MYH10: variants seen among roughly 807,000 people sequenced by gnomAD.
The protein encoded by MYH10 is myosin heavy chain 10.
MYH10 carries 55 observed loss-of-function variants against 257.8 expected under a neutral mutation model. The observed-to-expected ratio is 0.21, with a 90% CI of 0.17 to 0.27. The LOEUF (loss-of-function observed/expected upper bound fraction) is 0.27, where lower values mean the gene tolerates loss of function less well. MYH10 is among the 10% of genes least tolerant of loss of function. The probability of loss-of-function intolerance (pLI) is 1.00; values close to 1 mark genes in which losing one functional copy is unlikely to be tolerated. For synonymous variants in MYH10, 854 were observed against 921.7 expected (o/e 0.93, Z 1.33); for missense variants, 1,631 against 2,500.6 (o/e 0.65, Z 7.42).
chr17:8,567,988 T>A (rs1387504373), intron 7 of MYH10, among the ~76,000 whole-genome samples: 1 of 152,206 alleles, frequency 6.6e-6, no homozygotes, highest in Non-Finnish European at 1.5e-5. Context: ...CAGATGTCTG[T>A]GGTCGTCAGT....
intron 2 of MYH10, among the ~76,000 whole-genome samples, chr17:8,615,578 T>A (rs981528382): frequency 2.6e-5 from 4 of 152,176 alleles, no homozygotes; most frequent in African/African-American, 9.6e-5. Context: ...TCTAGGAATC[T>A]CACTCTCTCT....
intron 4 of MYH10, among the ~76,000 whole-genome samples, chr17:8,582,540 A>C (rs2152031910): frequency 6.6e-6 from 1 of 152,332 alleles, no homozygotes; most frequent in East Asian, 1.9e-4. Flanking sequence ...TAGAAGTACA[A>C]AGCTAACAAG....
chr17:8,518,427 C>A (rs2081544024), intron 21 of MYH10, among the ~76,000 whole-genome samples: 1 of 152,136 alleles, frequency 6.6e-6, no homozygotes, highest in Non-Finnish European at 1.5e-5. Flanking sequence ...AGCCACCACG[C>A]CCAGCCTCCT....
Position 8,506,281 on chromosome 17 carries a change from AT to A in MYH10, c.3386+36del, listed in dbSNP as rs752317585. On this transcript the variant is annotated intron_variant, in intron 27 of 42. Coordinates refer to ENST00000360416, the MANE Select transcript of MYH10 (RefSeq NM_001256012.3). This position sits in a 1 kb window ranked among gnomAD's most constrained non-coding sequence, Gnocchi z 5.0. ...ACAAAGTCTGCTGAAACTCAGCCCC[AT>A]GGGCTCCCGTGCAGCGCAGCTGCTG... 187 of 1,535,096 alleles carry A rather than the reference AT, an allele frequency of 1.2e-4. No homozygotes were observed. The highest frequency in any genetic ancestry group is 1.6e-4 in the Non-Finnish European group (180 of 1,150,364).
Position 8,512,441 on chromosome 17 carries a change from T to C in MYH10, c.2952+10A>G. The stretch of plus-strand genomic sequence containing the variant: ...AAAATATGCTTCTAAGTAAAAATTA[T>C]TATACATACCTGAATATGTGCTTGC... On this transcript the variant is annotated intron_variant, in intron 24 of 42. Transcript: ENST00000360416. 5 of 1,593,608 alleles carry C rather than the reference T, an allele frequency of 3.1e-6. No individual in the cohort carries two copies. The South Asian group carries it at 4.6e-5, about 15-fold the overall frequency.
chr17:8,562,836 A>G (rs1430680614), intron 7 of MYH10, among the ~76,000 whole-genome samples: 1 of 152,224 alleles, frequency 6.6e-6, no homozygotes, highest in African/African-American at 2.4e-5. Context: ...GGAAACCCGG[A>G]TATTTGATAT....
intron 17 of MYH10, among the ~76,000 whole-genome samples, chr17:8,523,178 A>G (rs1040185522): frequency 1.3e-5 from 2 of 152,086 alleles, no homozygotes; most frequent in African/African-American, 2.4e-5. Flanking sequence ...ACCCAGAGCC[A>G]GCTGCCAAAC....
chr17:8,628,122 G>A (rs1011011219), intron 1 of MYH10, among the ~76,000 whole-genome samples: 3 of 152,076 alleles, frequency 2.0e-5, no homozygotes, highest in Non-Finnish European at 2.9e-5. Context: ...ATCTGGCAAA[G>A]GTTTTATATA....
chr17:8,490,445 C>T lies in MYH10; in HGVS notation c.4779G>A (p.Lys1593=), dbSNP rs1200448164. 1.2e-6 allele frequency: 2 copies of T among 1,614,106 alleles called. No individual in the cohort carries two copies. The highest frequency in any genetic ancestry group is 2.2e-5 in the East Asian group (1 of 44,900). Residue 1593 remains lysine, a synonymous_variant, in exon 35 of 43, where the codon AAG becomes AAA. Transcript: ENST00000360416. This position sits in a 1 kb window ranked among gnomAD's most constrained non-coding sequence, Gnocchi z 4.1. The part of the protein sequence containing the change: ...EDELQATEDA[K]LRLEVNMQAM... ...CCTGCATGTTGACCTCCAGACGAAGCTTGGCATCTTCCGTGGCCTGGAGTT... is the reference window on the plus strand; with the variant it reads ...CCTGCATGTTGACCTCCAGACGAAGTTTGGCATCTTCCGTGGCCTGGAGTT...
At chr17:8,509,287 C>A (rs748335418) in intron 25 of MYH10, among the ~76,000 whole-genome samples, 1 of 152,130 alleles carries the variant, frequency 6.6e-6, no homozygotes, top group Non-Finnish European at 1.5e-5. Flanking sequence ...ATCAGCCCAG[C>A]GTCTGGTCTA....
At chr17:8,582,986 C>G (rs1597890767) in intron 4 of MYH10, among the ~76,000 whole-genome samples, 1 of 152,142 alleles carries the variant, frequency 6.6e-6, no homozygotes, top group Admixed American at 6.5e-5. Context: ...TTATCTATAC[C>G]TATGCAAACA....
In MYH10 at chr17:8,616,371, C is replaced by T. The variant is rs141131216; in HGVS notation, c.345+6531G>A. Among the ~76,000 whole-genome samples, 79 of 151,894 alleles carry T rather than the reference C, an allele frequency of 5.2e-4. 1 individual carries two copies. In the East Asian group the frequency reaches 0.013, roughly 25 times the overall value. ...CTCATAGAAAATCCAACAGAATTTT[C>T]GGCTAAACTATAATAACCAATAAGT... On this transcript the variant is annotated intron_variant, in intron 2 of 42. Transcript: ENST00000360416.
At chr17:8,587,209 A>C (rs2083942602) in intron 4 of MYH10, among the ~76,000 whole-genome samples, 1 of 152,178 alleles carries the variant, frequency 6.6e-6, no homozygotes, top group South Asian at 2.1e-4. Context: ...GCCTCCAATA[A>C]GAAAGCTGAG....
chr17:8,520,829 T>A (rs200232492), intron 19 of MYH10, 49 bp downstream of exon 19: 1 of 1,537,724 alleles, frequency 6.5e-7, no homozygotes, highest in Non-Finnish European at 8.8e-7. Flanking sequence ...TTAATTCATA[T>A]CAAGATAAAC....
At chr17:8,614,609 G>A (rs2085183623) in intron 2 of MYH10, among the ~76,000 whole-genome samples, 1 of 151,962 alleles carries the variant, frequency 6.6e-6, no homozygotes, top group African/African-American at 2.4e-5. Context: ...GAGCCACTGT[G>A]CCCAGCCTAA....
At chr17:8,483,394 TCC>T (rs544070418) in intron 37 of MYH10, among the ~76,000 whole-genome samples, 94 of 152,304 alleles carry the variant, frequency 6.2e-4, no homozygotes, top group African/African-American at 2.1e-3. Flanking sequence ...CAGGGTCGGC[TCC>T]GTGTTTACTG....
intron 1 of MYH10, among the ~76,000 whole-genome samples, chr17:8,629,751 C>G (rs554797284): frequency 7.9e-5 from 12 of 152,048 alleles, no homozygotes; most frequent in Non-Finnish European, 1.8e-4. Context: ...GACCCTCCCC[C>G]CGGCCGTCCT....
chr17:8,571,191 T>TG (rs1378715814), intron 6 of MYH10, among the ~76,000 whole-genome samples: 1 of 150,916 alleles, frequency 6.6e-6, no homozygotes, highest in Non-Finnish European at 1.5e-5. Flanking sequence ...TTTTTTTTTT[T>TG]TGAGACGGAG....
At position 8,569,763 on chromosome 17, in the gene MYH10, A is replaced by G. The variant is rs369676100; in HGVS notation, c.713T>C (p.Phe238Ser). The G allele has an allele frequency of 1.9e-6, 3 of 1,611,988 alleles. No homozygotes were observed. Among genetic ancestry groups the G allele is most frequent in the African/African-American group, 1.3e-5 (1 of 74,876 alleles). ...ATTTTTCACAGTCTTCGCATTTCCA[A>G]ATGATTCCAGAATTGGATTTGCTTG... ...LLQANPILESFGNAKTVKNDN... is the reference protein window; with the variant it reads ...LLQANPILESSGNAKTVKNDN... Residue 238 changes from phenylalanine (F) to serine (S), a missense_variant, in exon 7 of 43, where the codon TTT (phenylalanine) becomes TCT (serine). Phe to Ser is a radical substitution (Grantham distance 155). Coordinates refer to ENST00000360416, the MANE Select transcript of MYH10 (RefSeq NM_001256012.3). This position sits in a 1 kb window ranked among gnomAD's most constrained non-coding sequence, Gnocchi z 4.1.
Sources: allele counts gnomAD v4.1 joint callset (sites outside exome capture counted in the v4.1 genomes callset), GRCh38; gene constraint gnomAD v4.1.1; non-coding constraint Gnocchi (gnomAD v3.1); transcripts MANE v1.5; gene names NCBI Gene and HGNC (gene_info 2026-07-23, HGNC 2026-07-21).